DLC1: variants seen among roughly 807,000 people sequenced by gnomAD.
DLC1 encodes the protein rho GTPase-activating protein 7.
DLC1 carries 54 observed loss-of-function variants against 140.3 expected under a neutral mutation model. That is an observed-to-expected ratio of 0.38 (90% CI 0.31 to 0.48). The LOEUF is 0.48. Ranked by LOEUF, DLC1 falls within the 20% of genes least tolerant of loss-of-function variation. The pLI is 0.96. For missense variants in DLC1, 2,536 were observed against 1,907.0 expected, an observed-to-expected ratio of 1.33 and a Z score of -6.14; for synonymous variants, 986 against 728.1, an observed-to-expected ratio of 1.35 and a Z score of -5.70.
intron 5 of DLC1, chr8:13,304,747 C>T: frequency 1.0e-6 from 1 of 957,580 alleles, no homozygotes; most frequent in Middle Eastern, 5.4e-4. Context: ...AGTCCTTGTC[C>T]ATTTCCCATA....
chr8:13,411,786 C>A (rs577678577), intron 2 of DLC1, among the ~76,000 whole-genome samples: 1 of 152,112 alleles, frequency 6.6e-6, no homozygotes, highest in African/African-American at 2.4e-5. Flanking sequence ...ACACAAAATA[C>A]AGAAAAATAA....
At chr8:13,428,429 A>G (rs1004414019) in intron 2 of DLC1, among the ~76,000 whole-genome samples, 5 of 152,194 alleles carry the variant, frequency 3.3e-5, no homozygotes, top group African/African-American at 1.2e-4. Context: ...TTTAACTTTT[A>G]TAAGTTTTTA....
At chr8:13,231,233 C>T (rs1299219690) in intron 5 of DLC1, among the ~76,000 whole-genome samples, 4 of 151,548 alleles carry the variant, frequency 2.6e-5, no homozygotes, top group Non-Finnish European at 5.9e-5. Context: ...AAAAAAAAAT[C>T]AAGTGCGGGA....
chr8:13,134,515 G>A (rs1021702853), intron 5 of DLC1, among the ~76,000 whole-genome samples: 1 of 152,174 alleles, frequency 6.6e-6, no homozygotes, highest in Admixed American at 6.6e-5. Flanking sequence ...TATTGGAGCT[G>A]GGGAAGGGCA....
At chr8:13,188,958 G>T (rs1305694957) in intron 5 of DLC1, among the ~76,000 whole-genome samples, 2 of 148,178 alleles carry the variant, frequency 1.3e-5, no homozygotes, top group East Asian at 3.9e-4. Context: ...CAAAGTGCTG[G>T]TATTACAGGC....
chr8:13,313,853 C>T (rs1291157247), intron 4 of DLC1, among the ~76,000 whole-genome samples: 2 of 151,930 alleles, frequency 1.3e-5, no homozygotes, highest in Non-Finnish European at 2.9e-5. Context: ...ATCCTTCTTC[C>T]TCACCTTTAA....
intron 2 of DLC1, among the ~76,000 whole-genome samples, chr8:13,487,303 GC>G (rs370045357): frequency 4.1e-4 from 62 of 152,218 alleles, no homozygotes; most frequent in African/African-American, 1.5e-3. Context: ...TAATATTCCT[GC>G]CATAGGTTTG....
chr8:13,429,829 G>A (rs1011964550), intron 2 of DLC1, among the ~76,000 whole-genome samples: 1 of 152,126 alleles, frequency 6.6e-6, no homozygotes, highest in African/African-American at 2.4e-5. Flanking sequence ...TGGAAAACAT[G>A]CTGATATTTA....
At chr8:13,147,642 A>G (rs1666091520) in intron 5 of DLC1, among the ~76,000 whole-genome samples, 1 of 152,090 alleles carries the variant, frequency 6.6e-6, no homozygotes, top group African/African-American at 2.4e-5. Flanking sequence ...AGAGTGTGGG[A>G]TCTCAAGGTA....
chr8:13,406,627 T>C (rs1476223947), intron 2 of DLC1, among the ~76,000 whole-genome samples: 2 of 152,194 alleles, frequency 1.3e-5, no homozygotes, highest in East Asian at 3.8e-4. Context: ...TCATATGACA[T>C]GTTTTCAAAT....
intron 1 of DLC1, among the ~76,000 whole-genome samples, chr8:13,503,763 T>C (rs1166028369): frequency 1.3e-5 from 2 of 152,188 alleles, no homozygotes; most frequent in Non-Finnish European, 2.9e-5. Context: ...AATATAAACC[T>C]GAATTGTATA....
intron 2 of DLC1, among the ~76,000 whole-genome samples, chr8:13,435,138 A>G (rs1480706057): frequency 6.6e-6 from 1 of 152,182 alleles, no homozygotes; most frequent in African/African-American, 2.4e-5. Flanking sequence ...GAAGGAGGTA[A>G]AAATATCAAC....
At chr8:13,171,206 G>T (rs143637715) in intron 5 of DLC1, among the ~76,000 whole-genome samples, 1 of 152,172 alleles carries the variant, frequency 6.6e-6, no homozygotes, top group Non-Finnish European at 1.5e-5. Flanking sequence ...CTGAATTAAC[G>T]TGTCACGGGT....
chr8:13,569,885 C>T (rs1050604862), intron 1 of DLC1, among the ~76,000 whole-genome samples: 2 of 152,148 alleles, frequency 1.3e-5, no homozygotes, highest in Admixed American at 6.5e-5. Flanking sequence ...CCACGCCTGG[C>T]TAAATTTCTT....
At chr8:13,498,955 T>G (rs992442158) in intron 2 of DLC1, 94 bp downstream of exon 2, 2 of 1,419,136 alleles carry the variant, frequency 1.4e-6, no homozygotes, top group African/African-American at 1.4e-5. Context: ...AAGAACCATC[T>G]TCATATCTTT....
chr8:13,567,967 T>C, intron 1 of DLC1: 3 of 1,513,792 alleles, frequency 2.0e-6, no homozygotes, highest in African/African-American at 1.4e-5. Context: ...ATAGATGTCT[T>C]TGTTGTGTAT....
At chr8:13,303,760 C>A (rs1832305991) in intron 5 of DLC1, among the ~76,000 whole-genome samples, 1 of 152,084 alleles carries the variant, frequency 6.6e-6, no homozygotes, top group African/African-American at 2.4e-5. Flanking sequence ...CAAGATCACA[C>A]CACTGTGCTC....
chr8:13,456,737 G>A (rs981782055), intron 2 of DLC1, among the ~76,000 whole-genome samples: 4 of 152,290 alleles, frequency 2.6e-5, no homozygotes, highest in Admixed American at 6.5e-5. Flanking sequence ...GGGATTACAG[G>A]CATGAGCCAC....
At chr8:13,586,962 C>T (rs1157923963) in intron 1 of DLC1, among the ~76,000 whole-genome samples, 1 of 151,954 alleles carries the variant, frequency 6.6e-6, no homozygotes, top group Non-Finnish European at 1.5e-5. Context: ...AATACATGGA[C>T]ATTGAGGACC....
Sources: allele counts gnomAD v4.1 joint callset (sites outside exome capture counted in the v4.1 genomes callset), GRCh38; gene constraint gnomAD v4.1.1; transcripts MANE v1.5; gene names NCBI Gene and HGNC (gene_info 2026-07-23, HGNC 2026-07-21).